The following DOCK10 variants were observed in gnomAD, a reference collection of about 807,000 sequenced individuals.
DOCK10 encodes dedicator of cytokinesis protein 10.
In DOCK10, 145 loss-of-function variants were observed where a neutral mutation model predicts 280.1. The ratio of observed to expected loss-of-function variants is 0.52; its 90% CI spans 0.45 to 0.59. The LOEUF (loss-of-function observed/expected upper bound fraction) is 0.59. DOCK10 is among the 20% of genes least tolerant of loss of function. The probability of loss-of-function intolerance (pLI) is 0.00; values close to 1 mark genes in which losing one functional copy is unlikely to be tolerated. For missense variants in DOCK10, 2,368 were observed against 2,651.7 expected, an observed-to-expected ratio of 0.89 and a Z score of 2.35; for synonymous variants, 915 against 942.2, an observed-to-expected ratio of 0.97 and a Z score of 0.53.
chr2:224,897,877 GT>G (rs1477915404), intron 3 of DOCK10, among the ~76,000 whole-genome samples: 1 of 152,146 alleles, frequency 6.6e-6, no homozygotes, highest in African/African-American at 2.4e-5. Flanking sequence ...TCATAGATCT[GT>G]AATGGGATTT....
chr2:224,974,604 C>T (rs6436519), intron 1 of DOCK10, among the ~76,000 whole-genome samples: 37,654 of 150,662 alleles, frequency 0.25, 4,982 homozygotes, highest in Admixed American at 0.35. Flanking sequence ...AACAAGCATA[C>T]CAGTTTTTTT....
intron 4 of DOCK10, among the ~76,000 whole-genome samples, chr2:224,891,466 C>A (rs1196126278): frequency 1.9e-4 from 29 of 152,232 alleles, no homozygotes; most frequent in Admixed American, 1.7e-3. Flanking sequence ...GAGCTTCAGA[C>A]AAATGATTGG....
chr2:224,814,897 T>A (rs1287604955), intron 30 of DOCK10, among the ~76,000 whole-genome samples: 1 of 152,238 alleles, frequency 6.6e-6, no homozygotes, highest in African/African-American at 2.4e-5. Flanking sequence ...CATCTATTTT[T>A]CTATCAGAAT....
At chr2:224,773,034 A>AG (rs1226667116) in intron 53 of DOCK10, 123 bp downstream of exon 53, 4 of 844,540 alleles carry the variant, frequency 4.7e-6, no homozygotes, top group Non-Finnish European at 6.9e-6. Context: ...ACCCAGATAA[A>AG]GGTGTTCTAT....
At chr2:225,035,642 T>C (rs1196531971) in intron 1 of DOCK10, among the ~76,000 whole-genome samples, 2 of 129,092 alleles carry the variant, frequency 1.5e-5, no homozygotes, top group African/African-American at 7.5e-5. Context: ...GCTGCCATAA[T>C]AACCAAAGAA....
At chr2:225,015,564 C>T (rs746262949) in intron 1 of DOCK10, among the ~76,000 whole-genome samples, 1 of 152,172 alleles carries the variant, frequency 6.6e-6, no homozygotes, top group Non-Finnish European at 1.5e-5. Flanking sequence ...CCATCACATA[C>T]TGATAGGAAA....
At position 224,896,164 on chromosome 2, in the gene DOCK10, C is replaced by T. The variant is rs1405866947; in HGVS notation, c.416+131G>A. ...ACAAAATGTCCTATCTTGACTCTTA[C>T]TTATACATTTTGGAAAATGTGCCTT... On this transcript the variant is annotated intron_variant, in intron 4 of 55. Coordinates refer to ENST00000258390, the MANE Select transcript of DOCK10 (RefSeq NM_014689.3). The T allele has an allele frequency of 5.8e-6, 3 of 521,276 alleles. No individual in the cohort carries two copies. In the East Asian group the frequency reaches 1.0e-4, roughly 17 times the overall value. 32.3% of individuals were successfully genotyped at this position (521,276 alleles called of 1,614,324 possible).
chr2:224,973,597 G>A (rs1705223235), intron 1 of DOCK10, among the ~76,000 whole-genome samples: 1 of 151,930 alleles, frequency 6.6e-6, no homozygotes, highest in Admixed American at 6.6e-5. Context: ...GCCAATTTTA[G>A]CCCAGTGAGA....
At chr2:224,811,058 A>G (rs1347192089) in intron 31 of DOCK10, among the ~76,000 whole-genome samples, 1 of 152,144 alleles carries the variant, frequency 6.6e-6, no homozygotes, top group Admixed American at 6.5e-5. Flanking sequence ...AGGAATCGCC[A>G]CACTGACTTC....
At chr2:224,921,870 C>T (rs752820456) in intron 2 of DOCK10, among the ~76,000 whole-genome samples, 23 of 151,954 alleles carry the variant, frequency 1.5e-4, no homozygotes, top group Non-Finnish European at 2.6e-4. Context: ...GAGGCTGAGG[C>T]GGGTGGATCA....
chr2:224,900,465 T>G (rs1575022511), intron 3 of DOCK10, among the ~76,000 whole-genome samples: 3 of 152,208 alleles, frequency 2.0e-5, no homozygotes, highest in Admixed American at 2.0e-4. Context: ...AAATACAATT[T>G]CAAACTGGAT....
At chr2:224,984,177 G>C (rs1007186588) in intron 1 of DOCK10, among the ~76,000 whole-genome samples, 2 of 151,672 alleles carry the variant, frequency 1.3e-5, no homozygotes, top group African/African-American at 2.4e-5. Context: ...TCATGGCTGC[G>C]TAGTTTGCAG....
rs202054605 is a variant in DOCK10, at chr2:225,033,190, TA to T, written c.123+9061del. On this transcript the variant is annotated intron_variant, in intron 1 of 55. Coordinates refer to ENST00000258390, the MANE Select transcript of DOCK10 (RefSeq NM_014689.3). ...GAAACTTTTAATGATTTGGTACTAT[TA>T]TTTTTTTTTTTGACAGAGTCTCACT... is the stretch of plus-strand genomic sequence containing the variant. 5.2e-4 allele frequency among the ~76,000 whole-genome samples: 60 copies of T among 114,886 alleles called. No individual in the cohort carries two copies. In the East Asian group the frequency reaches 9.6e-3, roughly 18 times the overall value. The allele number at this position is 114,886 out of a possible 152,430, so 75.4% of individuals were successfully genotyped here.
chr2:224,845,144 T>C lies in DOCK10; in HGVS notation c.2481+59A>G. Reference sequence around the variant, plus strand: ...CTTAAGTAGCAGAGAAAGAAGATAATCTTATGCCATTAAGCTGGTGTGCTT... The same window carrying C: ...CTTAAGTAGCAGAGAAAGAAGATAACCTTATGCCATTAAGCTGGTGTGCTT... On this transcript the variant is annotated intron_variant, in intron 21 of 55. Coordinates refer to ENST00000258390, the MANE Select transcript of DOCK10 (RefSeq NM_014689.3). The C allele has an allele frequency of 3.3e-6, 5 of 1,495,664 alleles. No homozygotes were observed. The South Asian group carries it at 3.7e-5, about 11-fold the overall frequency. 92.6% of individuals were successfully genotyped at this position (1,495,664 alleles called of 1,614,324 possible). A position where few individuals can be genotyped will look rare whatever the true frequency, so the allele number is the denominator to read the frequency against.
chr2:224,993,156 T>C (rs557177183), intron 1 of DOCK10, among the ~76,000 whole-genome samples: 1 of 151,236 alleles, frequency 6.6e-6, no homozygotes, highest in African/African-American at 2.4e-5. Flanking sequence ...GTGGTGCAGG[T>C]TGATGGAAGG....
chr2:224,945,782 T>C (rs960680642), intron 1 of DOCK10, among the ~76,000 whole-genome samples: 6 of 152,188 alleles, frequency 3.9e-5, no homozygotes, highest in African/African-American at 9.7e-5. Context: ...GGTTTTCATA[T>C]GGGTGATCAG....
chr2:224,770,271 T>A lies in DOCK10; in HGVS notation c.6384A>T (p.Glu2128Asp). The A allele has an allele frequency of 1.2e-6, 2 of 1,605,454 alleles. No homozygotes were observed. Among genetic ancestry groups the A allele is most frequent in the Non-Finnish European group, 8.5e-7 (1 of 1,175,980 alleles). Residue 2128 changes from glutamate (E) to aspartate (D), a missense_variant, in exon 55 of 56, where the codon GAA (glutamate) becomes GAT (aspartate). Glu to Asp is a conservative substitution (Grantham distance 45). Transcript: ENST00000258390. This position sits in a 1 kb window ranked among gnomAD's most constrained non-coding sequence, Gnocchi z 4.5. ...LIKEDQLEYQ[E>D]ELRSHYKDML... is the part of the protein sequence containing the mutation. ...TGTCCTTGTAGTGGGACCTCAGTTC[T>A]TCCTGGTACTCCAGCTGGTCCTCTT...
intron 3 of DOCK10, among the ~76,000 whole-genome samples, chr2:224,900,432 G>C (rs780234304): frequency 6.6e-6 from 1 of 152,108 alleles, no homozygotes; most frequent in Non-Finnish European, 1.5e-5. Context: ...TCAGATCTTT[G>C]ACCTAGGCCC....
intron 1 of DOCK10, among the ~76,000 whole-genome samples, chr2:224,994,644 G>A (rs1044994951): frequency 3.3e-5 from 5 of 152,186 alleles, no homozygotes; most frequent in Admixed American, 6.5e-5. Flanking sequence ...TCCTTGGAAA[G>A]AGGTCACTGG....
Sources: allele counts gnomAD v4.1 joint callset (sites outside exome capture counted in the v4.1 genomes callset), GRCh38; gene constraint gnomAD v4.1.1; non-coding constraint Gnocchi (gnomAD v3.1); transcripts MANE v1.5; gene names NCBI Gene and HGNC (gene_info 2026-07-23, HGNC 2026-07-21).